DIP2C: variants seen among roughly 807,000 people sequenced by gnomAD.
DIP2C encodes the protein disco-interacting protein 2 homolog C.
A neutral mutation model predicts 192.4 loss-of-function variants in DIP2C; 33 were observed. The ratio of observed to expected loss-of-function variants is 0.17; its 90% confidence interval spans 0.13 to 0.23. The LOEUF (loss-of-function observed/expected upper bound fraction) is 0.23, where lower values mean the gene tolerates loss of function less well. Among genes scored for constraint, DIP2C ranks in the 10% least tolerant of loss-of-function variants. DIP2C has a pLI of 1.00. For missense variants in DIP2C, 1,537 were observed against 2,110.1 expected, an observed-to-expected ratio of 0.73 and a Z score of 5.32; for synonymous variants, 979 against 864.1, an observed-to-expected ratio of 1.13 and a Z score of -2.33.
chr10:389,049 C>T (rs1235151244), intron 13 of DIP2C, among the ~76,000 whole-genome samples: 17 of 123,338 alleles, frequency 1.4e-4, no homozygotes, highest in Middle Eastern at 0.011. Flanking sequence ...CAAGGGGCCT[C>T]GGGCCATCCC....
At chr10:361,847 A>G (rs1333751801) in intron 22 of DIP2C, among the ~76,000 whole-genome samples, 1 of 152,134 alleles carries the variant, frequency 6.6e-6, no homozygotes, top group East Asian at 1.9e-4. Context: ...TCCCAACAGA[A>G]GGCCACGCAC....
chr10:377,167 A>T (rs1458049667), intron 17 of DIP2C, among the ~76,000 whole-genome samples: 2 of 144,732 alleles, frequency 1.4e-5, no homozygotes, highest in African/African-American at 5.1e-5. Context: ...TGCACTGAAT[A>T]TACTATTTAC....
At chr10:581,937 T>A (rs1850694694) in intron 1 of DIP2C, among the ~76,000 whole-genome samples, 1 of 151,482 alleles carries the variant, frequency 6.6e-6, no homozygotes, top group Non-Finnish European at 1.5e-5. Context: ...TTCTGGGGGG[T>A]GGTTTTGGAA....
Position 384,708 on chromosome 10 carries a change from G to A in DIP2C, c.1663-69C>T, listed in dbSNP as rs1489182390. ...CGCAGAGGAGCAGCTCTCACCCAGTGGCATGGACACTAGGCCGCACGGGCA... is the reference window on the plus strand; with the variant it reads ...CGCAGAGGAGCAGCTCTCACCCAGTAGCATGGACACTAGGCCGCACGGGCA... On this transcript the variant is annotated intron_variant, in intron 14 of 36. Coordinates refer to ENST00000280886, the MANE Select transcript of DIP2C (RefSeq NM_014974.3). The A allele has an allele frequency of 3.3e-6, 5 of 1,516,906 alleles. No individual in the cohort carries two copies. The Admixed American group carries it at 8.4e-5, about 25-fold the overall frequency. The allele number at this position is 1,516,906 out of a possible 1,614,324, so 94.0% of individuals were successfully genotyped here.
chr10:544,086 C>T (rs1564835007), intron 1 of DIP2C, among the ~76,000 whole-genome samples: 1 of 152,216 alleles, frequency 6.6e-6, no homozygotes, highest in Non-Finnish European at 1.5e-5. Context: ...TGACCTTTAG[C>T]ATGACCTTTG....
intron 32 of DIP2C, among the ~76,000 whole-genome samples, chr10:302,761 G>C (rs1342424706): frequency 1.3e-5 from 2 of 152,122 alleles, no homozygotes; most frequent in African/African-American, 4.8e-5. Context: ...ACATAGAAAA[G>C]GCACAGTAAA....
chr10:567,425 C>T (rs746550739), intron 1 of DIP2C, among the ~76,000 whole-genome samples: 12 of 151,900 alleles, frequency 7.9e-5, no homozygotes, highest in Non-Finnish European at 1.3e-4. Context: ...CTCCTGACCT[C>T]GTGATCCACC....
At chr10:549,921 C>CCA (rs1848498068) in intron 1 of DIP2C, among the ~76,000 whole-genome samples, 1 of 152,110 alleles carries the variant, frequency 6.6e-6, no homozygotes, top group African/African-American at 2.4e-5. Flanking sequence ...GACTGTGTCT[C>CCA]CAGCCTGACA....
chr10:469,091 G>A (rs570644755), intron 3 of DIP2C, among the ~76,000 whole-genome samples: 3 of 152,100 alleles, frequency 2.0e-5, no homozygotes, highest in South Asian at 2.1e-4. Context: ...AGGACATCTC[G>A]GATTCACCCT....
At chr10:548,009 A>G (rs1199085415) in intron 1 of DIP2C, among the ~76,000 whole-genome samples, 3 of 152,146 alleles carry the variant, frequency 2.0e-5, no homozygotes, top group African/African-American at 7.2e-5. Flanking sequence ...TTTTTCAGCC[A>G]TCACAACTGT....
At chr10:287,512 C>A (rs1000536879) in intron 33 of DIP2C, among the ~76,000 whole-genome samples, 1 of 152,038 alleles carries the variant, frequency 6.6e-6, no homozygotes, top group Non-Finnish European at 1.5e-5. Context: ...GTCCGCCAGA[C>A]TGTTAGGATG....
intron 18 of DIP2C, 32 bp from the exon 19 acceptor site, chr10:366,443 G>C (rs781226793): frequency 6.2e-7 from 1 of 1,613,628 alleles, no homozygotes; most frequent in Admixed American, 1.7e-5. Context: ...CATGCAGTGT[G>C]AGAGGGGGCA....
Position 302,005 on chromosome 10 carries a change from T to C in DIP2C, c.3986+8026A>G, listed in dbSNP as rs1956075879. Among the ~76,000 whole-genome samples, 3 of 152,192 alleles carry C rather than the reference T, an allele frequency of 2.0e-5. 1 individual carries two copies. Among genetic ancestry groups the C allele is most frequent in the Admixed American group, 6.5e-5 (1 of 15,286 alleles). ...TTTCAAGTAGACTGCAAGTTCTATT[T>C]AAGGAATTGTGAAAGCCCTACTGTC... is the stretch of plus-strand genomic sequence containing the variant. On this transcript the variant is annotated intron_variant, in intron 32 of 36. Coordinates refer to ENST00000280886, the MANE Select transcript of DIP2C (RefSeq NM_014974.3).
chr10:419,337 C>T (rs937060493), intron 5 of DIP2C, 138 bp from the exon 6 acceptor site: 2 of 1,213,760 alleles, frequency 1.6e-6, no homozygotes, highest in Admixed American at 2.0e-5. Context: ...CCGATCTCAG[C>T]CGCATCTGCC....
In DIP2C at chr10:341,180, A is replaced by T; in HGVS notation, c.3584+19T>A. The T allele has an allele frequency of 6.2e-7, 1 of 1,613,996 alleles. No individual in the cohort carries two copies. ...GTGCATGATTTTTTTTAATGTAAAG[A>T]TATAGAGAGGCATCTTACCTGCAGA... On this transcript the variant is annotated intron_variant, in intron 29 of 36. Transcript: ENST00000280886.
chr10:603,619 G>A (rs534132259), intron 1 of DIP2C, among the ~76,000 whole-genome samples: 5 of 152,196 alleles, frequency 3.3e-5, no homozygotes, highest in South Asian at 4.1e-4. Flanking sequence ...TTCTGCCATC[G>A]TTTGTGTCTA....
chr10:468,017 G>A (rs1203230337), intron 3 of DIP2C, among the ~76,000 whole-genome samples: 10 of 152,156 alleles, frequency 6.6e-5, no homozygotes, highest in Non-Finnish European at 1.5e-4. Flanking sequence ...ACTGCAAGAT[G>A]AGTGGTCACA....
At chr10:463,999 T>C (rs968038366) in intron 3 of DIP2C, among the ~76,000 whole-genome samples, 6 of 152,044 alleles carry the variant, frequency 3.9e-5, no homozygotes, top group Non-Finnish European at 7.4e-5. Flanking sequence ...TTAACTCAAA[T>C]TGGTTTAAAA....
At chr10:555,894 C>A (rs554919151) in intron 1 of DIP2C, among the ~76,000 whole-genome samples, 1 of 152,258 alleles carries the variant, frequency 6.6e-6, no homozygotes, top group African/African-American at 2.4e-5. Flanking sequence ...AGCGAACACC[C>A]TTCCTGCATG....
Sources: allele counts gnomAD v4.1 joint callset (sites outside exome capture counted in the v4.1 genomes callset), GRCh38; gene constraint gnomAD v4.1.1; transcripts MANE v1.5; gene names NCBI Gene and HGNC (gene_info 2026-07-23, HGNC 2026-07-21).